The following SMARCB1 variants were observed in gnomAD, a reference collection of about 807,000 sequenced individuals.
The protein encoded by SMARCB1 is SWI/SNF-related matrix-associated actin-dependent regulator of chromatin subfamily B member 1.
Under a neutral mutation model 49.0 loss-of-function variants are expected in SMARCB1, and 5 were observed. That is an observed-to-expected ratio of 0.10 (90% CI 0.05 to 0.21). The LOEUF is 0.21. SMARCB1 is among the 10% of genes least tolerant of loss of function. The pLI, the probability that SMARCB1 is intolerant of heterozygous loss-of-function variation, is 1.00. For synonymous variants in SMARCB1, 201 were observed against 200.1 expected (o/e 1.00, Z -0.04); for missense variants, 226 against 509.2 (o/e 0.44, Z 5.35).
chr22:23,799,279 G>GT (rs1928979557), intron 3 of SMARCB1, among the ~76,000 whole-genome samples: 2 of 150,942 alleles, frequency 1.3e-5, no homozygotes, highest in African/African-American at 4.9e-5. Context: ...ACAGCTTTTG[G>GT]TATTTTTTTT....
intron 3 of SMARCB1, among the ~76,000 whole-genome samples, chr22:23,795,485 A>G (rs796250676): frequency 1.7e-4 from 26 of 152,086 alleles, no homozygotes; most frequent in African/African-American, 6.3e-4. Flanking sequence ...GTGAAGCCTC[A>G]TCTCTGCTAA....
intron 2 of SMARCB1, 107 bp from the exon 3 acceptor site, chr22:23,793,452 T>C (rs1464449729): frequency 8.3e-7 from 1 of 1,211,382 alleles, no homozygotes; most frequent in Non-Finnish European, 1.2e-6. Context: ...ACACCTTGCT[T>C]TTCCCACCTC....
At chr22:23,787,435 C>A (rs956697305) in intron 1 of SMARCB1, among the ~76,000 whole-genome samples, 173 bp downstream of exon 1, 2 of 152,034 alleles carry the variant, frequency 1.3e-5, no homozygotes, top group African/African-American at 4.8e-5. Flanking sequence ...CCCCCGCCCC[C>A]TCATCGACCT....
chr22:23,812,672 T>G (rs1929951781), intron 5 of SMARCB1, among the ~76,000 whole-genome samples: 1 of 152,148 alleles, frequency 6.6e-6, no homozygotes. Context: ...TGGGTCAATA[T>G]TTGAAGCTCA....
In SMARCB1 at chr22:23,822,436, G is replaced by T. The variant is rs118057868; in HGVS notation, c.796-2789G>T. ...CGTCTTAGCTCTGTGAGTCCACCTG[G>T]AGTCCAGCACTCCTCACTACCCCAC... On this transcript the variant is annotated intron_variant, in intron 6 of 8. Transcript: ENST00000644036. Among the ~76,000 whole-genome samples the T allele has an allele frequency of 3.8e-3, 586 of 152,262 alleles. 5 individuals are homozygous for T. The highest frequency in any genetic ancestry group is 0.01 in the Middle Eastern group (3 of 294).
At position 23,803,458 on chromosome 22, in the gene SMARCB1, A is replaced by G. The variant is rs746538578; in HGVS notation, c.628+36A>G. ...GTCGGGCTTGGCTGGGCCTGGCCCC[A>G]ACCCCTGTGTGTTACGTGGGAACAG... is the stretch of plus-strand genomic sequence containing the variant. On this transcript the variant is annotated intron_variant, in intron 5 of 8. Transcript: ENST00000644036. 9.3e-6 allele frequency: 15 copies of G among 1,612,842 alleles called. No individual in the cohort carries two copies. In the South Asian group the frequency reaches 1.6e-4, roughly 18 times the overall value.
chr22:23,790,024 A>G (rs1048882192), intron 1 of SMARCB1, among the ~76,000 whole-genome samples: 10 of 152,172 alleles, frequency 6.6e-5, no homozygotes, highest in Non-Finnish European at 1.3e-4. Flanking sequence ...GAGGACCCTA[A>G]CAGATCCCCA....
chr22:23,834,062 G>A (rs1015506028), intron 8 of SMARCB1, 79 bp from the exon 9 acceptor site: 50 of 1,466,612 alleles, frequency 3.4e-5, no homozygotes, highest in Non-Finnish European at 4.4e-5. Flanking sequence ...ACACTTGGCT[G>A]CCCTGTAGAG....
In SMARCB1 at chr22:23,837,696, C is replaced by G; in HGVS notation, c.*3516C>G. Reference sequence around the variant, plus strand: ...CGAGGATGGAGTTGCCCAGCAGCAGCGAGAAGCCCATGAGCGCCCAAGGCA... The same window carrying G: ...CGAGGATGGAGTTGCCCAGCAGCAGGGAGAAGCCCATGAGCGCCCAAGGCA... On this transcript the variant is annotated 3_prime_UTR_variant, in exon 9 of 9. Transcript: ENST00000644036. 4 of 1,613,770 alleles carry G rather than the reference C, an allele frequency of 2.5e-6. No individual in the cohort carries two copies. The highest frequency in any genetic ancestry group is 3.4e-6 in the Non-Finnish European group (4 of 1,179,902).
At chr22:23,788,537 C>T (rs1231585731) in intron 1 of SMARCB1, among the ~76,000 whole-genome samples, 2 of 152,000 alleles carry the variant, frequency 1.3e-5, no homozygotes, top group African/African-American at 4.8e-5. Context: ...TCCCAAGTAC[C>T]TGGGACTACA....
chr22:23,816,760 C>G lies in SMARCB1; in HGVS notation c.629-10C>G. 1 of 1,612,838 alleles carries G rather than the reference C, an allele frequency of 6.2e-7. No homozygotes were observed. Among genetic ancestry groups the G allele is most frequent in the Non-Finnish European group, 8.5e-7 (1 of 1,179,444 alleles). On this transcript the variant is annotated splice_polypyrimidine_tract_variant and intron_variant, in intron 5 of 8. Coordinates refer to ENST00000644036, the MANE Select transcript of SMARCB1 (RefSeq NM_003073.5). The stretch of plus-strand genomic sequence containing the variant: ...AATCTCTTGGCATCCCTTCCCTCTC[C>G]TGATTTCAGAGAAGTTGATGACGCC...
intron 1 of SMARCB1, among the ~76,000 whole-genome samples, chr22:23,790,903 G>T (rs1307002174): frequency 6.6e-6 from 1 of 152,068 alleles, no homozygotes; most frequent in Non-Finnish European, 1.5e-5. Context: ...ATACTATGTT[G>T]CGTAGATAAA....
chr22:23,822,957 CTTTTTTT>C (rs58056758), intron 6 of SMARCB1, among the ~76,000 whole-genome samples: 1 of 72,690 alleles, frequency 1.4e-5, no homozygotes, highest in African/African-American at 5.1e-5. Flanking sequence ...ACCAGCATAG[CTTTTTTT>C]TTTTTTTTTT....
chr22:23,828,833 CAT>C (rs549745412), intron 7 of SMARCB1, among the ~76,000 whole-genome samples: 192 of 152,286 alleles, frequency 1.3e-3, no homozygotes, highest in Admixed American at 3.5e-3. Flanking sequence ...GGCCACAGGA[CAT>C]GTGTGTGCAA....
chr22:23,836,261 C>A lies in SMARCB1; in HGVS notation c.*2081C>A, dbSNP rs954752977. ...CTCTTCTGCACCTGAATCCATGGGG[C>A]TTTGGCATCACCAGATGAAAAATGA... On this transcript the variant is annotated 3_prime_UTR_variant, in exon 9 of 9. Coordinates refer to ENST00000644036, the MANE Select transcript of SMARCB1 (RefSeq NM_003073.5). 7.1e-6 allele frequency: 7 copies of A among 985,370 alleles called. No homozygotes were observed. In the African/African-American group the frequency reaches 1.2e-4, roughly 17 times the overall value. 61.0% of individuals were successfully genotyped at this position (985,370 alleles called of 1,614,324 possible).
intron 5 of SMARCB1, among the ~76,000 whole-genome samples, chr22:23,806,767 T>C (rs2145989113): frequency 6.6e-6 from 1 of 151,774 alleles, no homozygotes; most frequent in African/African-American, 2.4e-5. Context: ...ACTAAAAATA[T>C]AAAAATTAGT....
At position 23,837,434 on chromosome 22, in the gene SMARCB1, A is replaced by G; in HGVS notation, c.*3254A>G. ...TGACCCTCCCATCCTCACTCCCATC[A>G]GGACCGTGCAAGCATCAGTAGATCC... On this transcript the variant is annotated 3_prime_UTR_variant, in exon 9 of 9. Transcript: ENST00000644036. 6.2e-6 allele frequency: 4 copies of G among 645,524 alleles called. No individual in the cohort carries two copies. The highest frequency in any genetic ancestry group is 1.1e-5 in the Non-Finnish European group (4 of 377,378). The allele number at this position is 645,524 out of a possible 1,614,324, so 40.0% of individuals were successfully genotyped here. A position where few individuals can be genotyped will look rare whatever the true frequency, so the allele number is the denominator to read the frequency against.
At chr22:23,803,179 C>T (rs1220956497) in intron 4 of SMARCB1, 116 bp from the exon 5 acceptor site, 50 of 1,365,932 alleles carry the variant, frequency 3.7e-5, no homozygotes, top group South Asian at 4.7e-5. Context: ...AGCTGACAAG[C>T]GGCCATCTTC....
intron 6 of SMARCB1, chr22:23,817,274 T>G: frequency 2.3e-6 from 1 of 430,826 alleles, no homozygotes; most frequent in Non-Finnish European, 4.3e-6. Context: ...AATAAGATGC[T>G]GCCTTAGTGG....
Sources: allele counts gnomAD v4.1 joint callset (sites outside exome capture counted in the v4.1 genomes callset), GRCh38; gene constraint gnomAD v4.1.1; transcripts MANE v1.5; gene names NCBI Gene and HGNC (gene_info 2026-07-23, HGNC 2026-07-21).